Variants in ATOSA observed in about 807,000 individuals in gnomAD.
The protein encoded by ATOSA is atos homolog A.
At chr15:52,595,723 T>A in the ATOSA span, among the ~76,000 whole-genome samples, 5 of 152,314 alleles carry the variant, frequency 3.3e-5, no homozygotes, top group African/African-American at 1.2e-4. Flanking sequence ...TACATTCATT[T>A]AAAAATACTA....
chr15:52,632,019 G>A, the ATOSA span, among the ~76,000 whole-genome samples: 4 of 152,154 alleles, frequency 2.6e-5, no homozygotes, highest in African/African-American at 9.7e-5. Context: ...GGGATTACAG[G>A]TGTAGGCTGA....
the ATOSA span, among the ~76,000 whole-genome samples, chr15:52,588,827 A>C: frequency 6.8e-6 from 1 of 148,128 alleles, no homozygotes; most frequent in East Asian, 1.9e-4. Flanking sequence ...TCTTTCAAGT[A>C]GTTAAGGAGA....
chr15:52,601,101 C>G, the ATOSA span: 16 of 1,534,810 alleles, frequency 1.0e-5, no homozygotes, highest in Non-Finnish European at 3.5e-6. Flanking sequence ...AGATGAGAAG[C>G]TTTTCAGATG....
chr15:52,628,666 T>C, the ATOSA span, among the ~76,000 whole-genome samples: 1 of 152,230 alleles, frequency 6.6e-6, no homozygotes, highest in South Asian at 2.1e-4. Context: ...TTTAATGTTA[T>C]TTAAACTCCT....
At chr15:52,623,927 A>G in the ATOSA span, among the ~76,000 whole-genome samples, 1 of 152,244 alleles carries the variant, frequency 6.6e-6, no homozygotes, top group Non-Finnish European at 1.5e-5. Flanking sequence ...TCTCAAAATG[A>G]GACTAAAAGA....
At chr15:52,702,492 T>A in the ATOSA span, among the ~76,000 whole-genome samples, 1 of 151,984 alleles carries the variant, frequency 6.6e-6, no homozygotes, top group African/African-American at 2.4e-5. Context: ...TTATCCTAAG[T>A]AAATAATTGC....
the ATOSA span, chr15:52,609,960 T>C: frequency 6.2e-7 from 1 of 1,613,112 alleles, no homozygotes; most frequent in Non-Finnish European, 8.5e-7. Context: ...CACTAAAGCC[T>C]AGAATATTGG....
At chr15:52,640,519 T>TG in the ATOSA span, among the ~76,000 whole-genome samples, 1 of 134,910 alleles carries the variant, frequency 7.4e-6, no homozygotes, top group Admixed American at 8.3e-5. Flanking sequence ...TGCAGTGAGT[T>TG]GAGATCTTGC....
the ATOSA span, chr15:52,678,100 G>A: frequency 3.3e-6 from 5 of 1,530,112 alleles, no homozygotes; most frequent in Non-Finnish European, 4.5e-6. Flanking sequence ...TGATTCTACG[G>A]CTTCTGCTTC....
At chr15:52,618,376 A>G in the ATOSA span, among the ~76,000 whole-genome samples, 2 of 152,032 alleles carry the variant, frequency 1.3e-5, no homozygotes, top group South Asian at 4.1e-4. Context: ...GTCTCTTAAA[A>G]CTACTTTTTA....
the ATOSA span, among the ~76,000 whole-genome samples, chr15:52,666,222 G>A: frequency 6.6e-6 from 1 of 152,124 alleles, no homozygotes; most frequent in Non-Finnish European, 1.5e-5. Flanking sequence ...GGATGTTAAT[G>A]TCTTAGTTTA....
the ATOSA span, among the ~76,000 whole-genome samples, chr15:52,626,873 T>C: frequency 6.6e-6 from 1 of 152,192 alleles, no homozygotes; most frequent in Non-Finnish European, 1.5e-5. Context: ...GTCAAGGTCA[T>C]TCTTGTTGCC....
At chr15:52,614,428 G>A in the ATOSA span, among the ~76,000 whole-genome samples, 1 of 151,986 alleles carries the variant, frequency 6.6e-6, no homozygotes, top group South Asian at 2.1e-4. Flanking sequence ...TTTGGGTCAG[G>A]TGTGGTAGCT....
At chr15:52,671,300 C>T in the ATOSA span, among the ~76,000 whole-genome samples, 2 of 152,146 alleles carry the variant, frequency 1.3e-5, no homozygotes, top group African/African-American at 2.4e-5. Context: ...ATTGTGATAA[C>T]AGCCTAACAG....
chr15:52,594,662 C>G, the ATOSA span, among the ~76,000 whole-genome samples: 2 of 152,134 alleles, frequency 1.3e-5, no homozygotes, highest in Non-Finnish European at 1.5e-5. Context: ...GCCCTCTAAT[C>G]AATCCAATCC....
At chr15:52,645,108 G>C in the ATOSA span, among the ~76,000 whole-genome samples, 8 of 152,320 alleles carry the variant, frequency 5.3e-5, no homozygotes, top group African/African-American at 1.9e-4. Flanking sequence ...GGGGGCAGTC[G>C]TATGGAGAGA....
chr15:52,620,226 A>G, the ATOSA span, among the ~76,000 whole-genome samples: 3 of 152,250 alleles, frequency 2.0e-5, no homozygotes, highest in Non-Finnish European at 4.4e-5. Flanking sequence ...GAGGTGTTCA[A>G]GCAAAGTTTG....
At chr15:52,611,646 A>C in the ATOSA span, 2 of 1,613,984 alleles carry the variant, frequency 1.2e-6, no homozygotes, top group Non-Finnish European at 1.7e-6. Context: ...GATCATTTAG[A>C]TCAATTCCCT....
the ATOSA span, among the ~76,000 whole-genome samples, chr15:52,693,913 C>A: frequency 1.3e-5 from 2 of 152,162 alleles, no homozygotes; most frequent in African/African-American, 2.4e-5. Context: ...AGTGGAATGG[C>A]AGATATGCGT....
Sources: gnomAD v4.1 joint callset for allele counts (sites outside exome capture counted in the v4.1 genomes callset) on GRCh38, gnomAD v4.1.1 for gene constraint, MANE v1.5 for transcripts, NCBI Gene and HGNC (gene_info 2026-07-23, HGNC 2026-07-21) for gene names.